The following MITF variants were observed in gnomAD, a reference collection of about 807,000 sequenced individuals.
The protein encoded by MITF is melanocyte inducing transcription factor.
MITF carries 17 observed loss-of-function variants against 60.5 expected under a neutral mutation model. That is an observed-to-expected ratio of 0.28 (90% CI 0.19 to 0.42). MITF has a LOEUF of 0.42. Ranked by LOEUF, MITF falls within the 10% of genes least tolerant of loss-of-function variation. The probability of loss-of-function intolerance (pLI) is 1.00; values close to 1 mark genes in which losing one functional copy is unlikely to be tolerated. For synonymous variants in MITF, 260 were observed against 248.5 expected, an observed-to-expected ratio of 1.05 and a Z score of -0.43; for missense variants, 622 against 683.5, an observed-to-expected ratio of 0.91 and a Z score of 1.00.
At chr3:69,771,299 T>C (rs1575688846) in intron 1 of MITF, among the ~76,000 whole-genome samples, 1 of 151,992 alleles carries the variant, frequency 6.6e-6, no homozygotes, top group East Asian at 1.9e-4. Context: ...CTGATTTAAA[T>C]TGGGCAAAAT....
At chr3:69,880,817 A>G (rs1330272128) in intron 2 of MITF, among the ~76,000 whole-genome samples, 1 of 152,020 alleles carries the variant, frequency 6.6e-6, no homozygotes, top group Non-Finnish European at 1.5e-5. Context: ...AAATATGTCT[A>G]TTTTATTCAT....
At position 69,840,579 on chromosome 3, in the gene MITF, T is replaced by C. The variant is rs547654766; in HGVS notation, c.105-38555T>C. Among the ~76,000 whole-genome samples, 10 of 151,976 alleles carry C rather than the reference T, an allele frequency of 6.6e-5. 1 individual carries two copies. The East Asian group carries it at 1.7e-3, about 26-fold the overall frequency. On this transcript the variant is annotated intron_variant, in intron 1 of 9. Coordinates refer to ENST00000352241, the MANE Select transcript of MITF (RefSeq NM_001354604.2). ...CCTCCATAATGACTTACCAAAGAGC[T>C]TTTTTTAAAAAAAGAGATCGACAGG...
At chr3:69,871,904 T>G (rs1000571945) in intron 1 of MITF, among the ~76,000 whole-genome samples, 3 of 152,238 alleles carry the variant, frequency 2.0e-5, no homozygotes, top group African/African-American at 7.2e-5. Flanking sequence ...ATACTCTCAG[T>G]GGAGCATCTT....
At chr3:69,843,857 T>C (rs2063682830) in intron 1 of MITF, among the ~76,000 whole-genome samples, 1 of 152,138 alleles carries the variant, frequency 6.6e-6, no homozygotes, top group Non-Finnish European at 1.5e-5. Flanking sequence ...ACCCATCATC[T>C]ACATTAGGTA....
rs2066706266 is a variant in MITF at position 69,967,052 on chromosome 3, GT to G, written c.*1809del. 4.3e-6 allele frequency: 1 copy of G among 232,082 alleles called. No homozygotes were observed. The highest frequency in any genetic ancestry group is 5.6e-5 in the Admixed American group (1 of 17,708). 14.4% of individuals were successfully genotyped at this position (232,082 alleles called of 1,614,324 possible). A position where few individuals can be genotyped will look rare whatever the true frequency, so the allele number is the denominator to read the frequency against. The stretch of plus-strand genomic sequence containing the variant: ...TCATCAGGAAACCTTATTCAGGAGG[GT>G]TTTTAAAAAGTGTTTAAATGTCAAA... On this transcript the variant is annotated 3_prime_UTR_variant, in exon 10 of 10. Transcript: ENST00000352241.
At chr3:69,858,062 AAC>A (rs1282953655) in intron 1 of MITF, among the ~76,000 whole-genome samples, 4 of 152,110 alleles carry the variant, frequency 2.6e-5, no homozygotes, top group Non-Finnish European at 5.9e-5. Context: ...TTTTTTTAAG[AAC>A]ACATGACAAT....
chr3:69,812,795 C>T (rs1188864331), intron 1 of MITF, among the ~76,000 whole-genome samples: 1 of 152,098 alleles, frequency 6.6e-6, no homozygotes, highest in Non-Finnish European at 1.5e-5. Context: ...GTTGGTTGGC[C>T]TTCTTGTCCT....
At chr3:69,836,260 T>C (rs1173596865) in intron 1 of MITF, among the ~76,000 whole-genome samples, 1 of 152,244 alleles carries the variant, frequency 6.6e-6, no homozygotes, top group Admixed American at 6.5e-5. Flanking sequence ...CTTCTTGATT[T>C]ATTTTTCAGG....
chr3:69,909,204 TG>T (rs930117869), intron 2 of MITF, among the ~76,000 whole-genome samples: 1 of 152,106 alleles, frequency 6.6e-6, no homozygotes, highest in African/African-American at 2.4e-5. Flanking sequence ...CGAGATCTGA[TG>T]GGTTTATCAG....
chr3:69,818,329 C>G (rs1240310399), intron 1 of MITF, among the ~76,000 whole-genome samples: 1 of 152,164 alleles, frequency 6.6e-6, no homozygotes, highest in Admixed American at 6.5e-5. Flanking sequence ...TCTGTTTCCT[C>G]TTAGGTGTCC....
intron 1 of MITF, among the ~76,000 whole-genome samples, chr3:69,873,949 C>T (rs1275679583): frequency 2.0e-5 from 3 of 152,144 alleles, no homozygotes; most frequent in African/African-American, 4.8e-5. Context: ...AAGTTCTCAG[C>T]GAATTTTGTT....
chr3:69,743,270 T>A (rs1703599611), intron 1 of MITF, among the ~76,000 whole-genome samples: 1 of 152,238 alleles, frequency 6.6e-6, no homozygotes, highest in Non-Finnish European at 1.5e-5. Context: ...TCAGAACCAC[T>A]GGCTTAGAAC....
chr3:69,917,836 T>TTTTTTG (rs199768270), intron 2 of MITF, among the ~76,000 whole-genome samples: 2,531 of 151,978 alleles, frequency 0.017, 30 homozygotes, highest in Middle Eastern at 0.051. Context: ...ATAGAGACTG[T>TTTTTTG]TTTTTGTTTT....
intron 1 of MITF, among the ~76,000 whole-genome samples, chr3:69,830,243 C>T (rs550155182): frequency 2.5e-4 from 38 of 152,120 alleles, no homozygotes; most frequent in African/African-American, 8.4e-4. Context: ...GCAGTTTGGC[C>T]CCTGTTACTC....
chr3:69,903,933 A>G (rs1016924476), intron 2 of MITF, among the ~76,000 whole-genome samples: 1 of 152,192 alleles, frequency 6.6e-6, no homozygotes, highest in Non-Finnish European at 1.5e-5. Flanking sequence ...CAAAAAGGCA[A>G]TAACATTAAT....
At chr3:69,883,130 GA>G in intron 2 of MITF, among the ~76,000 whole-genome samples, 1 of 152,246 alleles carries the variant, frequency 6.6e-6, no homozygotes, top group South Asian at 2.1e-4. Context: ...AAAAGGAAAA[GA>G]TTTTTTTTAT....
chr3:69,740,432 G>T (rs1001208677), intron 1 of MITF, among the ~76,000 whole-genome samples: 4 of 152,200 alleles, frequency 2.6e-5, no homozygotes, highest in African/African-American at 9.6e-5. Flanking sequence ...AGTGTACCCC[G>T]CTTGGCAGAG....
At chr3:69,881,947 G>A (rs943714460) in intron 2 of MITF, among the ~76,000 whole-genome samples, 35 of 152,096 alleles carry the variant, frequency 2.3e-4, no homozygotes, top group African/African-American at 8.0e-4. Flanking sequence ...ACACTTGCAT[G>A]CACTAGAGAA....
At chr3:69,837,727 T>C (rs2063561726) in intron 1 of MITF, among the ~76,000 whole-genome samples, 1 of 152,216 alleles carries the variant, frequency 6.6e-6, no homozygotes, top group Admixed American at 6.5e-5. Context: ...GACACAAGGC[T>C]ATTTATAGTC....
Sources: gnomAD v4.1 joint callset for allele counts (sites outside exome capture counted in the v4.1 genomes callset) on GRCh38, gnomAD v4.1.1 for gene constraint, MANE v1.5 for transcripts, NCBI Gene and HGNC (gene_info 2026-07-23, HGNC 2026-07-21) for gene names.